CROCC: variants seen among roughly 807,000 people sequenced by gnomAD.
CROCC encodes the protein rootletin.
A neutral mutation model predicts 245.2 loss-of-function variants in CROCC; 180 were observed. The ratio of observed to expected loss-of-function variants is 0.73; its 90% CI spans 0.65 to 0.83. CROCC has a LOEUF of 0.83. Ranked by LOEUF, CROCC falls within the 40% of genes least tolerant of loss-of-function variation. The probability of loss-of-function intolerance (pLI) is 0.00; values close to 1 mark genes in which losing one functional copy is unlikely to be tolerated. For synonymous variants in CROCC, 1,205 were observed against 1,241.6 expected (o/e 0.97, Z 0.62); for missense variants, 2,688 against 2,779.4 (o/e 0.97, Z 0.74).
intron 25 of CROCC, among the ~76,000 whole-genome samples, chr1:16,958,174 C>T (rs2076276941): frequency 6.6e-6 from 1 of 152,122 alleles, no homozygotes; most frequent in Admixed American, 6.5e-5. Context: ...TAGCATTGTA[C>T]CAAGATTAAA....
chr1:16,914,993 AGC>A, intron 1 of CROCC, among the ~76,000 whole-genome samples: 1 of 152,340 alleles, frequency 6.6e-6, no homozygotes, highest in East Asian at 1.9e-4. Flanking sequence ...AGCAGACGAC[AGC>A]GAGGTTCAGG....
chr1:16,923,608 A>T (rs1376379326), intron 2 of CROCC, among the ~76,000 whole-genome samples: 1 of 151,480 alleles, frequency 6.6e-6, no homozygotes, highest in African/African-American at 2.4e-5. Flanking sequence ...TTAAAGTTCC[A>T]TGAAGCCCTT....
chr1:16,971,392 C>G (rs1451082680), intron 35 of CROCC, 73 bp from the exon 36 acceptor site: 4 of 1,449,920 alleles, frequency 2.8e-6, no homozygotes, highest in African/African-American at 2.9e-5. Context: ...CAGGGAGGTA[C>G]CTGACAACCC....
chr1:16,958,038 C>T (rs531774732), intron 25 of CROCC, among the ~76,000 whole-genome samples: 2 of 152,260 alleles, frequency 1.3e-5, no homozygotes, highest in South Asian at 2.1e-4. Flanking sequence ...AGAACATTGC[C>T]GTTGTCTCAG....
chr1:16,971,219 G>A, intron 35 of CROCC, among the ~76,000 whole-genome samples: 1 of 53,824 alleles, frequency 1.9e-5, no homozygotes, highest in Admixed American at 1.8e-4. Flanking sequence ...GAGTGTGTGT[G>A]TGTGTGTGTG....
Position 16,966,158 on chromosome 1 carries a change from G to GT in CROCC, c.4696+43dup. ...TCGGGGTCCCTGTTCTCTCTCCTGTGTTTTGGGCAGTTGAGGCAGGAGCCG... is the reference window on the plus strand; with the variant it reads ...TCGGGGTCCCTGTTCTCTCTCCTGTGTTTTTGGGCAGTTGAGGCAGGAGCCG... On this transcript the variant is annotated intron_variant, in intron 29 of 36. Coordinates refer to ENST00000375541, the MANE Select transcript of CROCC (RefSeq NM_014675.5). This position sits in a 1 kb window ranked among gnomAD's most constrained non-coding sequence, Gnocchi z 4.8. 6.3e-7 allele frequency: 1 copy of GT among 1,580,796 alleles called. No homozygotes were observed. The highest frequency in any genetic ancestry group is 1.7e-5 in the Admixed American group (1 of 58,276).
In CROCC at chr1:16,956,223, T is replaced by C. The variant is rs570657746; in HGVS notation, c.3864+67T>C. 12 of 1,432,926 alleles carry C rather than the reference T, an allele frequency of 8.4e-6. No homozygotes were observed. In the East Asian group the frequency reaches 3.0e-4, roughly 36 times the overall value. The allele number at this position is 1,432,926 out of a possible 1,614,324, so 88.8% of individuals were successfully genotyped here. On this transcript the variant is annotated intron_variant, in intron 25 of 36. Coordinates refer to ENST00000375541, the MANE Select transcript of CROCC (RefSeq NM_014675.5). ...TGCCCCGGGCCAATAGCTCCCCCTTTCTGGAATTACGTTTCTACCCCTATG... is the reference window on the plus strand; with the variant it reads ...TGCCCCGGGCCAATAGCTCCCCCTTCCTGGAATTACGTTTCTACCCCTATG...
chr1:16,938,629 AC>A, intron 11 of CROCC, 146 bp downstream of exon 11: 1 of 891,630 alleles, frequency 1.1e-6, no homozygotes, highest in Admixed American at 2.8e-5. Flanking sequence ...CTGCTAGCTC[AC>A]CCAGCCTCTG....
intron 1 of CROCC, among the ~76,000 whole-genome samples, chr1:16,922,354 C>T (rs2075427212): frequency 6.6e-6 from 1 of 152,286 alleles, no homozygotes; most frequent in Non-Finnish European, 1.5e-5. Context: ...CTGGCATAGC[C>T]AGATCCTCAT....
At chr1:16,960,285 A>G (rs1473684855) in intron 26 of CROCC, among the ~76,000 whole-genome samples, 3 of 151,738 alleles carry the variant, frequency 2.0e-5, no homozygotes, top group African/African-American at 7.3e-5. Flanking sequence ...ACAAACAAAA[A>G]CCCACAAAAA....
chr1:16,945,599 T>C lies in CROCC; in HGVS notation c.2129T>C (p.Leu710Pro). Residue 710 changes from leucine (L) to proline (P), a missense_variant, in exon 15 of 37, where the codon CTG (leucine) becomes CCG (proline). Physicochemically the swap from Leu to Pro is moderately conservative, Grantham distance 98. Coordinates refer to ENST00000375541, the MANE Select transcript of CROCC (RefSeq NM_014675.5). Reference sequence around the variant, plus strand: ...GAGAAGGCCGAGGTGGCCGAGGCGCTGACCAAGGTGGGTCCCTGTCTGCTG... The same window carrying C: ...GAGAAGGCCGAGGTGGCCGAGGCGCCGACCAAGGTGGGTCCCTGTCTGCTG... ...QAEKAEVAEA[L>P]TKAEAGRVEL... 6.2e-7 allele frequency: 1 copy of C among 1,612,220 alleles called. No individual in the cohort carries two copies. Among genetic ancestry groups the C allele is most frequent in the Non-Finnish European group, 8.5e-7 (1 of 1,179,654 alleles).
rs750607007 is a variant in CROCC, at chr1:16,948,392, G to A, written c.2576G>A (p.Arg859Gln). ...ELEQARREAQ[R>Q]QVEALERAAR... ...GAGCAGGCCCGGCGGGAGGCCCAGC[G>A]GCAAGTGGAGGCGCTGGAGCGAGCG... Residue 859 changes from arginine to glutamine, a missense_variant, in exon 18 of 37, where the codon CGG becomes CAG. Coordinates refer to ENST00000375541, the MANE Select transcript of CROCC (RefSeq NM_014675.5). 7.5e-5 allele frequency: 118 copies of A among 1,577,106 alleles called. No homozygotes were observed. The highest frequency in any genetic ancestry group is 1.2e-4 in the South Asian group (10 of 86,942).
At chr1:16,970,588 C>G in intron 34 of CROCC, 48 bp from the exon 35 acceptor site, 1 of 1,494,392 alleles carries the variant, frequency 6.7e-7, no homozygotes, top group Non-Finnish European at 8.9e-7. Context: ...TGAGCCCCCT[C>G]AGTAAGCTCC....
chr1:16,924,286 G>A (rs774068344), intron 2 of CROCC, 39 bp from the exon 3 acceptor site: 3 of 1,598,748 alleles, frequency 1.9e-6, no homozygotes, highest in South Asian at 2.2e-5. Context: ...TGTCCCACTG[G>A]ACCCAGAAGC....
At position 16,936,758 on chromosome 1, in the gene CROCC, C is replaced by T; in HGVS notation, c.1078C>T (p.Gln360Ter). The change falls in exon 9 of 37, where the codon CAG becomes TAG. Residue 360 changes from glutamine to a stop codon, truncating the protein, a stop_gained. Transcript: ENST00000375541. LOFTEE classifies it high-confidence loss of function. Reference sequence around the variant, plus strand: ...CCGGGCCGAGGCAGCCCTGGAGAAACAGGCCCTGCTGCAGGCCCAGCTGGA... The same window carrying T: ...CCGGGCCGAGGCAGCCCTGGAGAAATAGGCCCTGCTGCAGGCCCAGCTGGA... ...ESRAEAALEK[Q>*]ALLQAQLEEQ... 6.2e-7 allele frequency: 1 copy of T among 1,611,162 alleles called. No homozygotes were observed.
At chr1:16,927,614 C>G (rs1450125630) in intron 3 of CROCC, among the ~76,000 whole-genome samples, 5 of 152,270 alleles carry the variant, frequency 3.3e-5, no homozygotes, top group Non-Finnish European at 2.9e-5. Flanking sequence ...GAACTCAGCA[C>G]CCACACACTA....
chr1:16,932,077 A>C (rs1254996100), intron 8 of CROCC, among the ~76,000 whole-genome samples: 2 of 152,248 alleles, frequency 1.3e-5, no homozygotes, highest in African/African-American at 4.8e-5. Flanking sequence ...GAAGTTCCTG[A>C]TTTTAATCCA....
rs1438358869 is a variant in CROCC, at chr1:16,966,427, G to A, written c.4716G>A (p.Gly1572=). The part of the protein sequence containing the change: ...ESEEARRSVD[G]RLSGVQAELA... ...CTACAGCCCGGCGCAGTGTGGATGGGCGGCTGAGCGGGGTCCAGGCGGAGC... is the reference window on the plus strand; with the variant it reads ...CTACAGCCCGGCGCAGTGTGGATGGACGGCTGAGCGGGGTCCAGGCGGAGC... Residue 1572 remains glycine, a synonymous_variant, in exon 30 of 37, where the codon GGG becomes GGA. Transcript: ENST00000375541. The surrounding 1 kb of genome is among the most constrained non-coding windows in gnomAD (Gnocchi z 4.8). The A allele has an allele frequency of 6.5e-7, 1 of 1,536,352 alleles. No individual in the cohort carries two copies. Among genetic ancestry groups the A allele is most frequent in the East Asian group, 2.4e-5 (1 of 41,018 alleles).
At chr1:16,950,899 C>G (rs1557621519) in intron 19 of CROCC, 54 bp from the exon 20 acceptor site, 1 of 1,439,940 alleles carries the variant, frequency 6.9e-7, no homozygotes, top group Non-Finnish European at 9.2e-7. Context: ...AGTCTGCTGG[C>G]CCAAGGAAAA....
Sources: gnomAD v4.1 joint callset for allele counts (sites outside exome capture counted in the v4.1 genomes callset) on GRCh38, gnomAD v4.1.1 for gene constraint, Gnocchi (gnomAD v3.1) non-coding constraint, MANE v1.5 for transcripts, NCBI Gene and HGNC (gene_info 2026-07-23, HGNC 2026-07-21) for gene names.